Variants in ZC4H2 observed in about 807,000 individuals in gnomAD.
ZC4H2 encodes the protein zinc finger C4H2 domain-containing protein.
For missense variants in ZC4H2, 137 were observed against 173.9 expected (o/e 0.79, Z 1.19); for synonymous variants, 84 against 66.3 (o/e 1.27, Z -1.30).
At chrX:64,942,788 C>G (rs1380490913) in intron 1 of ZC4H2, among the ~76,000 whole-genome samples, 1 of 112,000 alleles carries the variant, frequency 8.9e-6, no homozygotes, top group Non-Finnish European at 1.9e-5. Context: ...CTGCAATAAG[C>G]AAACATGTGC....
At chrX:65,013,412 C>CAG (rs1320108084) in intron 1 of ZC4H2, among the ~76,000 whole-genome samples, 1 of 111,933 alleles carries the variant, frequency 8.9e-6, no homozygotes, top group Admixed American at 9.5e-5. Flanking sequence ...TTCTGATGAA[C>CAG]AGAATATAGC....
intron 3 of ZC4H2, 81 bp downstream of exon 3, chrX:64,920,000 G>T: frequency 9.7e-7 from 1 of 1,034,686 alleles, no homozygotes; most frequent in Non-Finnish European, 1.3e-6. Context: ...ATGTATACCT[G>T]CCCGTGTGTG....
chrX:64,998,491 C>A (rs1260864844), intron 1 of ZC4H2, among the ~76,000 whole-genome samples: 1 of 112,019 alleles, frequency 8.9e-6, no homozygotes. Flanking sequence ...AACAATAGAA[C>A]CTCAAAACAT....
chrX:64,985,027 T>C (rs944509734), intron 1 of ZC4H2, among the ~76,000 whole-genome samples: 1 of 112,366 alleles, frequency 8.9e-6, no homozygotes, highest in Non-Finnish European at 1.9e-5. Flanking sequence ...AAGAACATGA[T>C]TTTGTTCTTT....
At chrX:64,924,216 C>A (rs1445493252) in intron 1 of ZC4H2, among the ~76,000 whole-genome samples, 1 of 112,038 alleles carries the variant, frequency 8.9e-6, no homozygotes, top group African/African-American at 3.2e-5. Context: ...GAAGCATGCG[C>A]TTTAGACTCA....
At chrX:64,932,812 A>G (rs1292651907) in intron 1 of ZC4H2, among the ~76,000 whole-genome samples, 2 of 111,195 alleles carry the variant, frequency 1.8e-5, no homozygotes, top group Non-Finnish European at 1.9e-5. Context: ...TCTTGACTTT[A>G]GATAACCTGG....
chrX:64,973,116 A>G (rs1309256557), intron 1 of ZC4H2, among the ~76,000 whole-genome samples: 1 of 110,891 alleles, frequency 9.0e-6, no homozygotes, highest in African/African-American at 3.3e-5. Context: ...CTTTATTTTG[A>G]TTAATGTTTG....
At chrX:64,947,445 G>C (rs1383954035) in intron 1 of ZC4H2, among the ~76,000 whole-genome samples, 1 of 112,179 alleles carries the variant, frequency 8.9e-6, no homozygotes, top group African/African-American at 3.2e-5. Flanking sequence ...GCTATAGTTA[G>C]ACTGTATACC....
chrX:64,965,949 C>CAA (rs148777993), intron 1 of ZC4H2, among the ~76,000 whole-genome samples: 610 of 37,450 alleles, frequency 0.016, 20 homozygotes, highest in South Asian at 0.036. Flanking sequence ...AACAAAGAAG[C>CAA]AAAAAAAAAA....
chrX:64,937,353 C>T (rs979870866), intron 1 of ZC4H2, among the ~76,000 whole-genome samples: 2 of 111,054 alleles, frequency 1.8e-5, no homozygotes, highest in Non-Finnish European at 3.8e-5. Context: ...CTTTAACACC[C>T]CACTGTCAAT....
chrX:65,021,985 G>A (rs1290318526), intron 1 of ZC4H2, among the ~76,000 whole-genome samples: 3 of 111,498 alleles, frequency 2.7e-5, no homozygotes, highest in African/African-American at 3.3e-5. Flanking sequence ...GGGAGAAGTC[G>A]AATCCCTGAA....
intron 1 of ZC4H2, among the ~76,000 whole-genome samples, chrX:64,948,730 T>C (rs1380779928): frequency 8.9e-6 from 1 of 111,888 alleles, no homozygotes; most frequent in Non-Finnish European, 1.9e-5. Flanking sequence ...TAACATGTAT[T>C]TGAGACTACT....
At chrX:64,921,718 C>A (rs1391015132) in intron 2 of ZC4H2, 99 bp downstream of exon 2, 1 of 960,837 alleles carries the variant, frequency 1.0e-6, no homozygotes. Flanking sequence ...ATGCCTGCTC[C>A]CCGAGCTAGG....
chrX:64,922,135 G>A (rs926649357), intron 1 of ZC4H2, 147 bp from the exon 2 acceptor site: 4 of 1,088,394 alleles, frequency 3.7e-6, no homozygotes, highest in African/African-American at 1.9e-5. Flanking sequence ...AGAAGGCCAG[G>A]TGCAATGGCT....
rs956027318 is a variant in ZC4H2 at position 64,952,772 on chromosome X, C to T, written c.53+23553G>A. ...GGTAATTTATAGATTCAATGTCATC[C>T]CCATCAAGTTACCAATGACTTTCTT... On this transcript the variant is annotated intron_variant, in intron 1 of 4. Transcript: ENST00000374839. Among the ~76,000 whole-genome samples the T allele has an allele frequency of 4.5e-5, 5 of 110,029 alleles. No individual in the cohort carries two copies. The East Asian group carries it at 1.2e-3, about 25-fold the overall frequency.
intron 1 of ZC4H2, among the ~76,000 whole-genome samples, chrX:64,926,089 T>C (rs1343227212): frequency 8.9e-6 from 1 of 112,029 alleles, no homozygotes. Context: ...GCCTGGTCCT[T>C]GCTTTAGTGG....
At chrX:64,991,013 T>C (rs1932298338) in intron 1 of ZC4H2, among the ~76,000 whole-genome samples, 1 of 112,009 alleles carries the variant, frequency 8.9e-6, no homozygotes, top group East Asian at 2.8e-4. Context: ...AGACCAGGCA[T>C]TGAAAATCCT....
chrX:64,929,393 T>C (rs1437754964), intron 1 of ZC4H2, among the ~76,000 whole-genome samples: 1 of 112,090 alleles, frequency 8.9e-6, no homozygotes, highest in Non-Finnish European at 1.9e-5. Context: ...TATTTATTTT[T>C]GTTTTAGTTG....
At chrX:64,946,453 G>T (rs1262671252) in intron 1 of ZC4H2, among the ~76,000 whole-genome samples, 1 of 110,098 alleles carries the variant, frequency 9.1e-6, no homozygotes, top group African/African-American at 3.3e-5. Flanking sequence ...CCCAACGAGA[G>T]GAACCGGGTA....
Sources: gnomAD v4.1 joint callset for allele counts (sites outside exome capture counted in the v4.1 genomes callset) on GRCh38, gnomAD v4.1.1 for gene constraint, MANE v1.5 for transcripts, NCBI Gene and HGNC (gene_info 2026-07-23, HGNC 2026-07-21) for gene names.